DST: variants seen among roughly 807,000 people sequenced by gnomAD.
The protein encoded by DST is bullous pemphigoid antigen.
In DST, 253 loss-of-function variants were observed where a neutral mutation model predicts 875.2. That is an observed-to-expected ratio of 0.29 (90% CI 0.26 to 0.32). The LOEUF is 0.32. Ranked by LOEUF, DST falls within the 10% of genes least tolerant of loss-of-function variation. The pLI is 1.00. For missense variants in DST, 8,287 were observed against 9,111.6 expected (o/e 0.91, Z 3.68); for synonymous variants, 3,124 against 3,197.1 (o/e 0.98, Z 0.77).
At chr6:56,667,268 T>G (rs1403077687) in intron 10 of DST, among the ~76,000 whole-genome samples, 1 of 152,236 alleles carries the variant, frequency 6.6e-6, no homozygotes, top group African/African-American at 2.4e-5. Flanking sequence ...TTGCTCATGG[T>G]GATATTTTGA....
Position 56,508,664 on chromosome 6 carries a change from C to T in DST, c.19104G>A (p.Met6368Ile), listed in dbSNP as rs756410446. 6.2e-7 allele frequency: 1 copy of T among 1,613,818 alleles called. No homozygotes were observed. The highest frequency in any genetic ancestry group is 1.1e-5 in the South Asian group (1 of 91,070). Residue 6368 changes from methionine (M) to isoleucine (I), a missense_variant, in exon 75 of 104, where the codon ATG becomes ATA. Coordinates refer to ENST00000680361, the MANE Select transcript of DST (RefSeq NM_001374736.1). ...CACACCAGAACTTTTCTGCTAGCTC[C>T]ATCACATCCAGTAGTTTGGCTTCCC... The part of the protein sequence containing the change: ...EEREAKLLDV[M>I]ELAEKFWCDH...
chr6:56,759,299 A>G (rs2099611793), intron 4 of DST, among the ~76,000 whole-genome samples: 1 of 152,028 alleles, frequency 6.6e-6, no homozygotes, highest in Non-Finnish European at 1.5e-5. Context: ...AAGACAAAAA[A>G]AATTAGCCAG....
chr6:56,536,694 G>C (rs553438023), intron 62 of DST, 85 bp downstream of exon 62: 2 of 1,325,088 alleles, frequency 1.5e-6, no homozygotes, highest in Non-Finnish European at 1.0e-6. Context: ...GAAAAGTTTG[G>C]CTACCACAAA....
At chr6:56,674,701 TA>T (rs1456846427) in intron 9 of DST, among the ~76,000 whole-genome samples, 1 of 152,056 alleles carries the variant, frequency 6.6e-6, no homozygotes, top group Non-Finnish European at 1.5e-5. Context: ...GACTTAGTAA[TA>T]AATTTAACCA....
rs2095976579 is a variant in DST, at chr6:56,497,904, C to T, written c.20046G>A (p.Leu6682=). The stretch of plus-strand genomic sequence containing the variant: ...GCTGCTTCCTTTGTTCTGTTTTTTC[C>T]AAAACATTTTGCCAGCGTTGATTTA... ...EVLNQRWQNV[L]EKTEQRKQQL... The change falls in exon 81 of 104, where the codon TTG becomes TTA. Residue 6682 remains leucine, a synonymous_variant. Coordinates refer to ENST00000680361, the MANE Select transcript of DST (RefSeq NM_001374736.1). The T allele has an allele frequency of 6.2e-7, 1 of 1,612,244 alleles. No individual in the cohort carries two copies. Among genetic ancestry groups the T allele is most frequent in the South Asian group, 1.1e-5 (1 of 90,814 alleles).
chr6:56,463,919 A>C, intron 100 of DST, 155 bp from the exon 101 acceptor site: 1 of 825,336 alleles, frequency 1.2e-6, no homozygotes, highest in Non-Finnish European at 2.1e-6. Context: ...CAGCATAACA[A>C]AAAGTTAAAT....
intron 49 of DST, among the ~76,000 whole-genome samples, chr6:56,587,696 G>C (rs1340561967): frequency 6.6e-6 from 1 of 152,194 alleles, no homozygotes; most frequent in East Asian, 1.9e-4. Flanking sequence ...AAGCCCATCA[G>C]ACTAACAGCA....
At chr6:56,595,105 C>G (rs1306109004) in intron 47 of DST, among the ~76,000 whole-genome samples, 1 of 152,212 alleles carries the variant, frequency 6.6e-6, no homozygotes, top group Non-Finnish European at 1.5e-5. Context: ...ACTAATCCTT[C>G]TGGGCAATTT....
intron 9 of DST, among the ~76,000 whole-genome samples, chr6:56,681,315 C>A (rs1375134440): frequency 6.6e-6 from 1 of 152,190 alleles, no homozygotes; most frequent in Non-Finnish European, 1.5e-5. Flanking sequence ...TCTCTCCTCC[C>A]TGCCCTCTGA....
At chr6:56,642,856 A>G in intron 15 of DST, 1 of 1,607,616 alleles carries the variant, frequency 6.2e-7, no homozygotes, top group Non-Finnish European at 8.5e-7. Context: ...AGGTCTGGAA[A>G]AAGCTCTACT....
At chr6:56,526,281 C>T in intron 69 of DST, 80 bp downstream of exon 69, 2 of 1,377,950 alleles carry the variant, frequency 1.5e-6, no homozygotes, top group Non-Finnish European at 2.0e-6. Context: ...ACAGTATTAA[C>T]AGTCATCTTT....
chr6:56,917,880 G>GA (rs1802057792), intron 2 of DST, among the ~76,000 whole-genome samples: 2 of 151,894 alleles, frequency 1.3e-5, no homozygotes, highest in South Asian at 4.1e-4. Flanking sequence ...GAAAATTTCA[G>GA]AAAAAAACAA....
chr6:56,463,512 A>G, intron 101 of DST, 53 bp downstream of exon 101: 2 of 1,458,342 alleles, frequency 1.4e-6, no homozygotes, highest in East Asian at 2.3e-5. Context: ...TCAAAAGTCT[A>G]CTTGGGACAT....
intron 4 of DST, among the ~76,000 whole-genome samples, chr6:56,832,340 ACTAGTT>A (rs2099788137): frequency 6.6e-6 from 1 of 152,098 alleles, no homozygotes; most frequent in Non-Finnish European, 1.5e-5. Flanking sequence ...ACTAGAACTT[ACTAGTT>A]CTAGTAAGTC....
rs1482197457 is a variant in DST, at chr6:56,506,747, T to C, written c.19282A>G (p.Ile6428Val). The change falls in exon 76 of 104, where the codon ATA (isoleucine) becomes GTA (valine). Residue 6428 changes from isoleucine to valine, a missense_variant. Around this residue, in one of 10 missense-constraint regions of DST, gnomAD observed 1,292 missense variants for 1,552.7 expected, o/e 0.83. Coordinates refer to ENST00000680361, the MANE Select transcript of DST (RefSeq NM_001374736.1). ...EIDGLQEELD[I>V]VINLGSELIA... is the part of the protein sequence containing the mutation. The stretch of plus-strand genomic sequence containing the variant: ...AGTTCAGAACCTAGGTTAATAACTA[T>C]ATCCAGCTCCTCCTGTAGTCCATCT... 1.2e-6 allele frequency: 2 copies of C among 1,613,556 alleles called. No homozygotes were observed. Among genetic ancestry groups the C allele is most frequent in the East Asian group, 4.5e-5 (2 of 44,854 alleles).
chr6:56,460,956 A>G (rs1203630393), intron 102 of DST: 1 of 151,968 alleles, frequency 6.6e-6, no homozygotes, highest in Non-Finnish European at 1.5e-5. Context: ...ATGAGATTTT[A>G]TTATACAATC....
At chr6:56,546,528 CAAAA>C (rs1387075695) in intron 61 of DST, among the ~76,000 whole-genome samples, 2 of 147,448 alleles carry the variant, frequency 1.4e-5, no homozygotes, top group Non-Finnish European at 3.0e-5. Flanking sequence ...AAAATACTGA[CAAAA>C]GAAATAAAGC....
chr6:56,509,773 T>C lies in DST; in HGVS notation c.18881A>G (p.Glu6294Gly), dbSNP rs1487413502. 6.2e-7 allele frequency: 1 copy of C among 1,613,774 alleles called. No homozygotes were observed. Among genetic ancestry groups the C allele is most frequent in the Non-Finnish European group, 8.5e-7 (1 of 1,179,760 alleles). ...CACATTCTTATTTTCACTGATCTGTTCCTTGATCTTCTCAACCTCTGCAGA... is the reference window on the plus strand; with the variant it reads ...CACATTCTTATTTTCACTGATCTGTCCCTTGATCTTCTCAACCTCTGCAGA... ...SISAEVEKIK[E>G]QISENKNVSV... Residue 6294 changes from glutamate to glycine, a missense_variant, in exon 74 of 104, where the codon GAA becomes GGA. Physicochemically the swap from Glu to Gly is moderately conservative, Grantham distance 98. Transcript: ENST00000680361.
At chr6:56,916,549 C>A (rs1592441760) in intron 2 of DST, among the ~76,000 whole-genome samples, 1 of 151,922 alleles carries the variant, frequency 6.6e-6, no homozygotes, top group Non-Finnish European at 1.5e-5. Flanking sequence ...CCCAGGAGTT[C>A]GAGACTAGCC....
Sources: gnomAD v4.1 joint callset for allele counts (sites outside exome capture counted in the v4.1 genomes callset) on GRCh38, gnomAD v4.1.1 for gene constraint, gnomAD v4.1.1 regional missense constraint, MANE v1.5 for transcripts, NCBI Gene and HGNC (gene_info 2026-07-23, HGNC 2026-07-21) for gene names.